KMT2C: variants seen among roughly 807,000 people sequenced by gnomAD.
KMT2C encodes the protein histone-lysine N-methyltransferase 2C.
Under a neutral mutation model 507.9 loss-of-function variants are expected in KMT2C, and 88 were observed. The ratio of observed to expected loss-of-function variants is 0.17; its 90% CI spans 0.15 to 0.21. The LOEUF (loss-of-function observed/expected upper bound fraction) is 0.21, where lower values mean the gene tolerates loss of function less well. KMT2C is among the 10% of genes least tolerant of loss of function. The pLI is 1.00. For missense variants in KMT2C, 4,954 were observed against 5,957.8 expected (o/e 0.83, Z 5.55); for synonymous variants, 2,049 against 2,080.8 (o/e 0.98, Z 0.42).
At chr7:152,330,446 A>G (rs2096872457) in intron 3 of KMT2C, among the ~76,000 whole-genome samples, 155 bp downstream of exon 3, 1 of 152,158 alleles carries the variant, frequency 6.6e-6, no homozygotes, top group South Asian at 2.1e-4. Flanking sequence ...CATCCCAACT[A>G]AACACAGAGG....
At chr7:152,193,969 G>A (rs764078418) in intron 31 of KMT2C, 40 bp downstream of exon 31, 28 of 1,485,894 alleles carry the variant, frequency 1.9e-5, no homozygotes, top group Non-Finnish European at 2.3e-5. Context: ...ATATACACAT[G>A]TGTGTGAATA....
At chr7:152,147,723 A>AGAAAAG (rs1226957318) in intron 52 of KMT2C, among the ~76,000 whole-genome samples, 1 of 133,926 alleles carries the variant, frequency 7.5e-6, no homozygotes. Context: ...AAAAAAAAAA[A>AGAAAAG]AAAAAGAAAA....
At chr7:152,251,806 G>A (rs1171414286) in intron 11 of KMT2C, 133 bp downstream of exon 11, 2 of 525,128 alleles carry the variant, frequency 3.8e-6, no homozygotes, top group African/African-American at 2.0e-5. Flanking sequence ...ACATTTAAAG[G>A]TTGAGAAACT....
chr7:152,193,751 C>T (rs1468661695), intron 31 of KMT2C, among the ~76,000 whole-genome samples: 1 of 152,040 alleles, frequency 6.6e-6, no homozygotes, highest in Non-Finnish European at 1.5e-5. Flanking sequence ...GGGAATGGGA[C>T]TTGCAGGGAG....
intron 6 of KMT2C, among the ~76,000 whole-genome samples, chr7:152,306,036 T>C (rs1475981687): frequency 6.6e-6 from 1 of 152,242 alleles, no homozygotes; most frequent in Non-Finnish European, 1.5e-5. Flanking sequence ...TATTTCTGTA[T>C]GTCTGTGTAA....
chr7:152,303,464 T>A (rs1283668158), intron 6 of KMT2C, among the ~76,000 whole-genome samples: 1 of 152,224 alleles, frequency 6.6e-6, no homozygotes, highest in Non-Finnish European at 1.5e-5. Flanking sequence ...TTGCCCTTCA[T>A]TGACAAATCC....
chr7:152,235,865 T>C lies in KMT2C; in HGVS notation c.2721A>G (p.Arg907=), dbSNP rs766799747. 6.2e-7 allele frequency: 1 copy of C among 1,611,856 alleles called. No homozygotes were observed. The highest frequency in any genetic ancestry group is 8.5e-7 in the Non-Finnish European group (1 of 1,179,656). Residue 907 remains arginine (R), a synonymous_variant, in exon 16 of 59, where the codon CGA becomes CGG. Coordinates refer to ENST00000262189, the MANE Select transcript of KMT2C (RefSeq NM_170606.3). ...RGAGLSGRGG[R]GRSKLKSGIG... is the part of the protein sequence containing the mutation. ...TTCCACTTTTCAGCTTTGACCTGCC[T>C]CGGCCACCTCGCCCCGACAGTCCTG... is the stretch of plus-strand genomic sequence containing the variant.
chr7:152,239,346 A>C (rs2095341757), intron 14 of KMT2C, among the ~76,000 whole-genome samples: 1 of 152,198 alleles, frequency 6.6e-6, no homozygotes, highest in South Asian at 2.1e-4. Context: ...ATACACGTTA[A>C]ACTGTAGAGA....
rs1232665404 is a variant in KMT2C, at chr7:152,136,836, T to C, written c.14732A>G (p.Asn4911Ser). Residue 4911 changes from asparagine to serine, a missense_variant, in exon 59 of 59, where the codon AAC becomes AGC. Physicochemically the swap from Asn to Ser is conservative, Grantham distance 46 (BLOSUM62 1). Around this residue, in one of 29 missense-constraint regions of KMT2C, gnomAD observed 133 missense variants for 258.9 expected, o/e 0.51. Transcript: ENST00000262189. Reference sequence around the variant, plus strand: ...TGAGCTAGCAAGGAATGCATTTCAGTTCATCCACTTCCGGCAGTTCACAGC... The same window carrying C: ...TGAGCTAGCAAGGAATGCATTTCAGCTCATCCACTTCCGGCAGTTCACAGC... Reference protein sequence around the residue: ...CGAVNCRKWMN With the variant: ...CGAVNCRKWMS 6.2e-7 allele frequency: 1 copy of C among 1,612,258 alleles called. No homozygotes were observed. The highest frequency in any genetic ancestry group is 2.2e-5 in the East Asian group (1 of 44,878).
chr7:152,354,581 G>A (rs1249387317), intron 2 of KMT2C, among the ~76,000 whole-genome samples: 5 of 152,182 alleles, frequency 3.3e-5, no homozygotes, highest in Admixed American at 6.5e-5. Context: ...TTTTAGACAA[G>A]TTTGTCAGGA....
rs978175307 is a variant in KMT2C, at chr7:152,315,208, C to T, written c.520G>A (p.Asp174Asn). The change falls in exon 4 of 59, where the codon GAT becomes AAT. Residue 174 changes from aspartate to asparagine, a missense_variant. Physicochemically the swap from Asp to Asn is conservative, Grantham distance 23. Around this residue, in one of 29 missense-constraint regions of KMT2C, gnomAD observed 233 missense variants for 263.6 expected, o/e 0.88. Transcript: ENST00000262189. ...TCATAGGTTCCATTGCTGTTGTCAT[C>T]AATGTCCTTCTTGTTAGAAGGTTGG... ...RNQPSNKKDI[D>N]DNSNGTYEKM... The T allele has an allele frequency of 1.1e-5, 17 of 1,614,040 alleles. No individual in the cohort carries two copies. The highest frequency in any genetic ancestry group is 1.4e-5 in the Non-Finnish European group (17 of 1,179,958).
intron 15 of KMT2C, among the ~76,000 whole-genome samples, chr7:152,238,152 T>C (rs2095317634): frequency 6.6e-6 from 1 of 152,312 alleles, no homozygotes; most frequent in African/African-American, 2.4e-5. Context: ...AAAACTGTCA[T>C]CTCCAGTCAA....
Position 152,135,819 on chromosome 7 carries a change from AC to A in KMT2C, c.*1012del. ...GCTATAAAAGTTGTAGTCGTAGCATACGCCCCGCTCTGTCAGAAGTAAGGTG... is the reference window on the plus strand; with the variant it reads ...GCTATAAAAGTTGTAGTCGTAGCATAGCCCCGCTCTGTCAGAAGTAAGGTG... On this transcript the variant is annotated 3_prime_UTR_variant, in exon 59 of 59. Transcript: ENST00000262189. The A allele has an allele frequency of 4.3e-6, 1 of 231,098 alleles. No homozygotes were observed. Among genetic ancestry groups the A allele is most frequent in the Non-Finnish European group, 8.6e-6 (1 of 116,448 alleles). The allele number at this position is 231,098 out of a possible 1,614,324, so 14.3% of individuals were successfully genotyped here.
intron 2 of KMT2C, among the ~76,000 whole-genome samples, chr7:152,355,696 C>T (rs1440904669): frequency 6.6e-6 from 1 of 152,030 alleles, no homozygotes; most frequent in African/African-American, 2.4e-5. Flanking sequence ...AAAAGCTGGT[C>T]TGGGCAATAT....
chr7:152,148,297 G>C lies in KMT2C; in HGVS notation c.13630C>G (p.Arg4544Gly), dbSNP rs766559750. 6 of 1,614,234 alleles carry C rather than the reference G, an allele frequency of 3.7e-6. No individual in the cohort carries two copies. Among genetic ancestry groups the C allele is most frequent in the Non-Finnish European group, 5.1e-6 (6 of 1,180,046 alleles). ...QIASIVQRGE[R>G]DHTFRVGSLI... The stretch of plus-strand genomic sequence containing the variant: ...CTACCCACGCGAAAGGTATGGTCCC[G>C]TTCTCCTCGTTGCACGATGCTAGCA... The change falls in exon 52 of 59, where the codon CGG becomes GGG. Residue 4544 changes from arginine to glycine, a missense_variant. Transcript: ENST00000262189. This position sits in a 1 kb window ranked among gnomAD's most constrained non-coding sequence, Gnocchi z 7.1.
intron 1 of KMT2C, among the ~76,000 whole-genome samples, chr7:152,362,986 A>T (rs964512463): frequency 6.6e-6 from 1 of 152,170 alleles, no homozygotes; most frequent in Non-Finnish European, 1.5e-5. Flanking sequence ...CTTTTATTTC[A>T]TCGGTGTCCT....
chr7:152,184,137 AT>A (rs1197328491), intron 34 of KMT2C, among the ~76,000 whole-genome samples: 2 of 151,558 alleles, frequency 1.3e-5, no homozygotes, highest in Non-Finnish European at 2.9e-5. Flanking sequence ...AAAAAAAAAA[AT>A]CTGGATATTT....
At chr7:152,360,313 A>G (rs1419958323) in intron 1 of KMT2C, among the ~76,000 whole-genome samples, 1 of 151,868 alleles carries the variant, frequency 6.6e-6, no homozygotes, top group Admixed American at 6.6e-5. Flanking sequence ...CCTCGTCTCT[A>G]CTAAAAATAC....
At chr7:152,388,076 G>A (rs557706233) in intron 1 of KMT2C, among the ~76,000 whole-genome samples, 16 of 148,244 alleles carry the variant, frequency 1.1e-4, no homozygotes, top group Non-Finnish European at 2.2e-4. Context: ...CTAGGCTGGG[G>A]GGAAAAAATG....
Sources: allele counts gnomAD v4.1 joint callset (sites outside exome capture counted in the v4.1 genomes callset), GRCh38; gene constraint gnomAD v4.1.1; regional missense constraint gnomAD v4.1.1; non-coding constraint Gnocchi (gnomAD v3.1); transcripts MANE v1.5; gene names NCBI Gene and HGNC (gene_info 2026-07-23, HGNC 2026-07-21).